Variants in AGBL5 observed in about 807,000 individuals in gnomAD.
AGBL5 encodes the protein AGBL carboxypeptidase 5.
AGBL5 carries 51 observed loss-of-function variants against 88.0 expected under a neutral mutation model. The ratio of observed to expected loss-of-function variants is 0.58; its 90% CI spans 0.46 to 0.73. The LOEUF is 0.73. Ranked by LOEUF, AGBL5 falls within the 30% of genes least tolerant of loss-of-function variation. AGBL5 has a pLI of 0.00. For missense variants in AGBL5, 1,031 were observed against 1,162.2 expected, an observed-to-expected ratio of 0.89 and a Z score of 1.64; for synonymous variants, 446 against 438.8, an observed-to-expected ratio of 1.02 and a Z score of -0.21.
intron 8 of AGBL5, 29 bp from the exon 9 acceptor site, chr2:27,057,274 G>T (rs1009027661): frequency 1.9e-6 from 3 of 1,599,458 alleles, no homozygotes; most frequent in Non-Finnish European, 2.6e-6. Flanking sequence ...TGTTCAGGCG[G>T]GACACTGATA....
At chr2:27,057,627 G>A (rs1003506705) in intron 9 of AGBL5, among the ~76,000 whole-genome samples, 189 bp downstream of exon 9, 6 of 152,196 alleles carry the variant, frequency 3.9e-5, no homozygotes, top group African/African-American at 9.7e-5. Context: ...GGATGAACAG[G>A]CACTATATCT....
At chr2:27,057,080 AATTAGC>A (rs1668470726) in intron 8 of AGBL5, 4 of 557,954 alleles carry the variant, frequency 7.2e-6, no homozygotes, top group Non-Finnish European at 9.1e-6. Flanking sequence ...AGAACCTCAC[AATTAGC>A]ATTATTGTCT....
intron 11 of AGBL5, among the ~76,000 whole-genome samples, chr2:27,063,439 C>CA (rs1459814431): frequency 1.3e-5 from 2 of 151,910 alleles, no homozygotes; most frequent in South Asian, 4.2e-4. Context: ...ACTAAAAATA[C>CA]AAAAAATTAG....
rs746031691 is a variant in AGBL5, at chr2:27,056,062, A to C, written c.1289A>C (p.Tyr430Ser). 5.6e-6 allele frequency: 9 copies of C among 1,614,172 alleles called. No homozygotes were observed. Among genetic ancestry groups the C allele is most frequent in the Non-Finnish European group, 7.6e-6 (9 of 1,180,028 alleles). ...IPPKESGVAYYVDLHGHASKR... is the reference protein window; with the variant it reads ...IPPKESGVAYSVDLHGHASKR... ...CCCAAAGAGAGTGGCGTTGCTTACT[A>C]TGTGGACCTGCATGGACATGCTTCC... Residue 430 changes from tyrosine (Y) to serine (S), a missense_variant, in exon 7 of 15, where the codon TAT (tyrosine) becomes TCT (serine). Tyr to Ser is a moderately radical substitution (Grantham distance 144). Coordinates refer to ENST00000360131, the MANE Select transcript of AGBL5 (RefSeq NM_021831.6).
At chr2:27,051,180 C>T (rs924013368), upstream of AGBL5, 2 of 152,222 alleles carry the variant, frequency 1.3e-5, no homozygotes, top group African/African-American at 4.8e-5. Context: ...TGCAGTGAAC[C>T]TGTAAGGCAA....
chr2:27,055,957 C>T lies in AGBL5; in HGVS notation c.1184C>T (p.Ala395Val). 3 of 1,614,248 alleles carry T rather than the reference C, an allele frequency of 1.9e-6. No individual in the cohort carries two copies. The highest frequency in any genetic ancestry group is 2.5e-6 in the Non-Finnish European group (3 of 1,180,046). Residue 395 changes from alanine (A) to valine (V), a missense_variant, in exon 7 of 15, where the codon GCA becomes GTA. Transcript: ENST00000360131. ...GAAGCCTGGAAACAAACAGAGCCAG[C>T]AGAACAGAAGCTCAACAGTGTGTGG... is the stretch of plus-strand genomic sequence containing the variant. Reference protein sequence around the residue: ...NAEAWKQTEPAEQKLNSVWIM... With the variant: ...NAEAWKQTEPVEQKLNSVWIM...
At chr2:27,068,252 CAT>C (rs1669094773) in intron 12 of AGBL5, among the ~76,000 whole-genome samples, 1 of 152,178 alleles carries the variant, frequency 6.6e-6, no homozygotes, top group Admixed American at 6.6e-5. Flanking sequence ...AAATGCTAAA[CAT>C]ATGATTGCGG....
At position 27,056,832 on chromosome 2, in the gene AGBL5, C is replaced by T. The variant is rs1401231953; in HGVS notation, c.1535+40C>T. On this transcript the variant is annotated intron_variant, in intron 8 of 14. Transcript: ENST00000360131. ...GAGATATAGTTGATGAAATAGCTTC[C>T]CTAAAGAAAACACCGTAGCTGGGTG... 10 of 1,560,052 alleles carry T rather than the reference C, an allele frequency of 6.4e-6. No individual in the cohort carries two copies. The South Asian group carries it at 1.2e-4, about 18-fold the overall frequency.
chr2:27,059,529 A>G, intron 11 of AGBL5, 125 bp downstream of exon 11: 1 of 1,536,560 alleles, frequency 6.5e-7, no homozygotes, highest in Non-Finnish European at 8.7e-7. Flanking sequence ...ATTAGTTTGT[A>G]GCAGAACCTG....
chr2:27,058,341 C>T, intron 9 of AGBL5, 59 bp from the exon 10 acceptor site: 1 of 1,597,228 alleles, frequency 6.3e-7, no homozygotes, highest in Non-Finnish European at 8.6e-7. Flanking sequence ...GTACCCACCC[C>T]AAGGTAGCAG....
At chr2:27,063,977 C>T (rs1668848550) in intron 11 of AGBL5, among the ~76,000 whole-genome samples, 1 of 152,210 alleles carries the variant, frequency 6.6e-6, no homozygotes, top group South Asian at 2.1e-4. Flanking sequence ...CTTGCTTTTA[C>T]CCTTTCCTGG....
At chr2:27,054,939 GC>G in intron 5 of AGBL5, 132 bp downstream of exon 5, 1 of 1,477,288 alleles carries the variant, frequency 6.8e-7, no homozygotes, top group Non-Finnish European at 9.2e-7. Context: ...AAGGGTGATG[GC>G]CCCTGCTCCA....
intron 5 of AGBL5, 42 bp downstream of exon 5, chr2:27,054,849 T>TC (rs1668349868): frequency 5.7e-6 from 9 of 1,590,148 alleles, no homozygotes; most frequent in Admixed American, 1.7e-5. Context: ...GGCTTTTCTC[T>TC]AGCACCAGGT....
chr2:27,056,295 T>A, intron 7 of AGBL5, 157 bp downstream of exon 7: 2 of 717,356 alleles, frequency 2.8e-6, no homozygotes, highest in Non-Finnish European at 4.5e-6. Flanking sequence ...CAAGAAGAGA[T>A]GGCACAGGGG....
intron 13 of AGBL5, 113 bp from the exon 14 acceptor site, chr2:27,069,460 C>T (rs1443426746): frequency 3.3e-6 from 5 of 1,525,508 alleles, no homozygotes; most frequent in Non-Finnish European, 4.4e-6. Flanking sequence ...GTCCCAGTAC[C>T]TCTACTGATC....
At chr2:27,061,777 G>C (rs537688714) in intron 11 of AGBL5, 19 of 151,920 alleles carry the variant, frequency 1.3e-4, no homozygotes, top group African/African-American at 4.3e-4. Context: ...ATAGTAAAGA[G>C]CTTTTTCTAG....
rs371841152 is a variant in AGBL5, at chr2:27,068,706, A to C, written c.2317A>C (p.Thr773Pro). Residue 773 changes from threonine (T) to proline (P), a missense_variant, in exon 13 of 15, where the codon ACT becomes CCT. Around this residue, in one of 2 missense-constraint regions of AGBL5, gnomAD observed 491 missense variants for 484.0 expected, o/e 1.01. Transcript: ENST00000360131. ...GGTAATCGGGAAAGGTCTGCTAGGG[A>C]CTGGAGCTCGGATGCCCTGCATCAA... ...VMVIGKGLLG[T>P]GARMPCIKTR... The C allele has an allele frequency of 6.2e-7, 1 of 1,614,018 alleles. No homozygotes were observed. The highest frequency in any genetic ancestry group is 1.3e-5 in the African/African-American group (1 of 74,984).
chr2:27,068,501 G>A, intron 12 of AGBL5, 131 bp from the exon 13 acceptor site: 2 of 712,008 alleles, frequency 2.8e-6, no homozygotes, highest in Non-Finnish European at 4.7e-6. Context: ...CAATGCACAA[G>A]ACTACTCCCC....
intron 12 of AGBL5, among the ~76,000 whole-genome samples, chr2:27,068,180 T>G (rs1669090062): frequency 6.6e-6 from 1 of 152,176 alleles, no homozygotes; most frequent in Non-Finnish European, 1.5e-5. Flanking sequence ...TCCCAACCTG[T>G]CAACTCTCCT....
Sources: gnomAD v4.1 joint callset for allele counts (sites outside exome capture counted in the v4.1 genomes callset) on GRCh38, gnomAD v4.1.1 for gene constraint, gnomAD v4.1.1 regional missense constraint, MANE v1.5 for transcripts, NCBI Gene and HGNC (gene_info 2026-07-23, HGNC 2026-07-21) for gene names.